Variants in CTNND2 observed in about 807,000 individuals in gnomAD.
The protein encoded by CTNND2 is catenin delta 2, also known as catenin delta-2.
CTNND2 carries 22 observed loss-of-function variants against 144.4 expected under a neutral mutation model. That is an observed-to-expected ratio of 0.15 (90% CI 0.11 to 0.22). The LOEUF (loss-of-function observed/expected upper bound fraction) is 0.22, where lower values mean the gene tolerates loss of function less well. CTNND2 is among the 10% of genes least tolerant of loss of function. CTNND2 has a pLI of 1.00. For missense variants in CTNND2, 1,353 were observed against 1,618.8 expected, an observed-to-expected ratio of 0.84 and a Z score of 2.82; for synonymous variants, 751 against 695.6, an observed-to-expected ratio of 1.08 and a Z score of -1.25.
intron 2 of CTNND2, among the ~76,000 whole-genome samples, chr5:11,599,051 T>C (rs1330181451): frequency 2.0e-5 from 3 of 152,048 alleles, no homozygotes; most frequent in African/African-American, 7.2e-5. Context: ...AACCATCAGA[T>C]CTCATCAGAT....
chr5:11,418,747 T>A (rs1388122040), intron 3 of CTNND2, among the ~76,000 whole-genome samples: 1 of 152,200 alleles, frequency 6.6e-6, no homozygotes, highest in Non-Finnish European at 1.5e-5. Flanking sequence ...TTTCCTTTTA[T>A]CTTTTAATTC....
chr5:11,141,128 A>AT (rs1756683600), intron 12 of CTNND2, among the ~76,000 whole-genome samples: 1 of 151,680 alleles, frequency 6.6e-6, no homozygotes, highest in South Asian at 2.1e-4. Context: ...CTAATTTTTT[A>AT]TTTTTTGTAG....
intron 20 of CTNND2, among the ~76,000 whole-genome samples, chr5:10,984,530 G>A (rs909874796): frequency 4.6e-5 from 7 of 151,866 alleles, no homozygotes; most frequent in African/African-American, 1.7e-4. Context: ...AAAGCACGAG[G>A]CACAGTTTGT....
At chr5:11,604,150 C>A in intron 2 of CTNND2, among the ~76,000 whole-genome samples, 1 of 152,274 alleles carries the variant, frequency 6.6e-6, no homozygotes, top group East Asian at 1.9e-4. Flanking sequence ...CAGGCTTCTT[C>A]TCCTTTTAGT....
intron 16 of CTNND2, among the ~76,000 whole-genome samples, chr5:11,077,972 G>C (rs551584468): frequency 6.6e-6 from 1 of 152,192 alleles, no homozygotes; most frequent in African/African-American, 2.4e-5. Context: ...TCAGGTCTGG[G>C]AGAGACCTTG....
intron 9 of CTNND2, among the ~76,000 whole-genome samples, chr5:11,335,742 G>A (rs1002081917): frequency 1.5e-4 from 23 of 152,192 alleles, no homozygotes; most frequent in African/African-American, 4.8e-4. Flanking sequence ...AAAAGGACCA[G>A]AGCCTACTCC....
intron 8 of CTNND2, among the ~76,000 whole-genome samples, chr5:11,361,007 G>A (rs1409594489): frequency 2.0e-5 from 3 of 152,050 alleles, no homozygotes; most frequent in Admixed American, 6.6e-5. Context: ...GACTGCCTAC[G>A]TATGAAAGTT....
At chr5:11,626,901 GTTC>G (rs1378757713) in intron 2 of CTNND2, among the ~76,000 whole-genome samples, 2 of 152,054 alleles carry the variant, frequency 1.3e-5, no homozygotes, top group Admixed American at 6.6e-5. Context: ...GTGCCAAATT[GTTC>G]TTATTTCTTC....
intron 9 of CTNND2, among the ~76,000 whole-genome samples, chr5:11,276,962 C>T (rs1199724224): frequency 4.6e-5 from 7 of 152,212 alleles, no homozygotes; most frequent in African/African-American, 1.7e-4. Flanking sequence ...TTTTAGACCT[C>T]TGGCCTCCAG....
intron 9 of CTNND2, among the ~76,000 whole-genome samples, chr5:11,307,095 A>AT (rs1020060852): frequency 6.7e-6 from 1 of 149,070 alleles, no homozygotes; most frequent in African/African-American, 2.5e-5. Flanking sequence ...TCAAAGTGTG[A>AT]TCCCAAAGCC....
At chr5:11,205,646 A>T (rs1737966265) in intron 10 of CTNND2, among the ~76,000 whole-genome samples, 1 of 152,180 alleles carries the variant, frequency 6.6e-6, no homozygotes, top group Non-Finnish European at 1.5e-5. Flanking sequence ...CAGTTAAACC[A>T]TCAGTTTCCA....
intron 7 of CTNND2, among the ~76,000 whole-genome samples, chr5:11,365,319 T>A (rs558768659): frequency 6.6e-6 from 1 of 152,366 alleles, no homozygotes; most frequent in East Asian, 1.9e-4. Context: ...CATCTTGATG[T>A]TGTTCCTAAA....
chr5:11,750,348 A>G (rs1230512172), intron 1 of CTNND2, among the ~76,000 whole-genome samples: 1 of 151,856 alleles, frequency 6.6e-6, no homozygotes, highest in Non-Finnish European at 1.5e-5. Flanking sequence ...GAGGCATAAG[A>G]GATTGAAGAG....
At chr5:11,599,980 T>G (rs1211938094) in intron 2 of CTNND2, among the ~76,000 whole-genome samples, 3 of 152,188 alleles carry the variant, frequency 2.0e-5, no homozygotes, top group Admixed American at 2.0e-4. Flanking sequence ...GTACCTACTT[T>G]TAGCAAGTCC....
chr5:11,259,794 A>C (rs1328353124), intron 9 of CTNND2, among the ~76,000 whole-genome samples: 1 of 152,224 alleles, frequency 6.6e-6, no homozygotes, highest in Non-Finnish European at 1.5e-5. Flanking sequence ...ATCTGAAAAG[A>C]ACCGCTTTGT....
At chr5:11,569,047 A>G (rs1482242642) in intron 2 of CTNND2, among the ~76,000 whole-genome samples, 1 of 152,194 alleles carries the variant, frequency 6.6e-6, no homozygotes, top group Non-Finnish European at 1.5e-5. Context: ...AGCCAAGATA[A>G]TAAATAGAAG....
chr5:11,748,291 T>A (rs1201131854), intron 1 of CTNND2, among the ~76,000 whole-genome samples: 1 of 152,112 alleles, frequency 6.6e-6, no homozygotes, highest in Admixed American at 6.6e-5. Context: ...TGATATAACC[T>A]GCCTATTACA....
chr5:11,207,194 C>T (rs1392894368), intron 10 of CTNND2, among the ~76,000 whole-genome samples: 1 of 151,980 alleles, frequency 6.6e-6, no homozygotes, highest in Non-Finnish European at 1.5e-5. Flanking sequence ...GATGAGAACA[C>T]ATCGACACAG....
At chr5:11,330,490 A>G (rs796880310) in intron 9 of CTNND2, among the ~76,000 whole-genome samples, 19 of 144,538 alleles carry the variant, frequency 1.3e-4, no homozygotes, top group South Asian at 4.6e-4. Context: ...TCTCAAAAAA[A>G]AAAAAAAAAA....
Sources: gnomAD v4.1 joint callset for allele counts (sites outside exome capture counted in the v4.1 genomes callset) on GRCh38, gnomAD v4.1.1 for gene constraint, MANE v1.5 for transcripts, NCBI Gene and HGNC (gene_info 2026-07-23, HGNC 2026-07-21) for gene names.